Variants in ADAT1 observed in about 807,000 individuals in gnomAD.
The protein encoded by ADAT1 is adenosine deaminase tRNA specific 1, also known as tRNA-specific adenosine deaminase 1.
Under a neutral mutation model 58.6 loss-of-function variants are expected in ADAT1, and 58 were observed. The ratio of observed to expected loss-of-function variants is 0.99; its 90% CI spans 0.80 to 1.23. The LOEUF is 1.23. Ranked by LOEUF, ADAT1 falls within the 50% of genes most tolerant of loss-of-function variation. ADAT1 has a pLI of 0.00. For missense variants in ADAT1, 741 were observed against 608.6 expected, an observed-to-expected ratio of 1.22 and a Z score of -2.29; for synonymous variants, 254 against 220.8, an observed-to-expected ratio of 1.15 and a Z score of -1.33.
Position 75,620,308 on chromosome 16 carries a change from T to C in ADAT1, c.196A>G (p.Thr66Ala). Residue 66 changes from threonine (T) to alanine (A), a missense_variant, in exon 3 of 10, where the codon ACA (threonine) becomes GCA (alanine). Transcript: ENST00000564657. Reference sequence around the variant, plus strand: ...GACTGTCCTATGCATTTTGTTCCTGTTCCCATTGACACAACTTCCTTTGTC... The same window carrying C: ...GACTGTCCTATGCATTTTGTTCCTGCTCCCATTGACACAACTTCCTTTGTC... ...QVTKEVVSMG[T>A]GTKCIGQSKM... 6.2e-7 allele frequency: 1 copy of C among 1,614,168 alleles called. No individual in the cohort carries two copies. Among genetic ancestry groups the C allele is most frequent in the Non-Finnish European group, 8.5e-7 (1 of 1,179,984 alleles).
chr16:75,618,550 G>C, intron 4 of ADAT1, 36 bp downstream of exon 4: 2 of 1,426,472 alleles, frequency 1.4e-6, no homozygotes, highest in South Asian at 1.3e-5. Flanking sequence ...TCCCACCCCA[G>C]TCCTGCTGAA....
chr16:75,615,460 G>A (rs1021264293), intron 5 of ADAT1, among the ~76,000 whole-genome samples: 38 of 55,844 alleles, frequency 6.8e-4, no homozygotes, highest in African/African-American at 1.7e-3. Flanking sequence ...ATACACGAAC[G>A]CAAACGATAG....
chr16:75,608,177 AGT>A, intron 8 of ADAT1, 45 bp downstream of exon 8: 1 of 1,478,378 alleles, frequency 6.8e-7, no homozygotes, highest in Non-Finnish European at 9.5e-7. Context: ...ATAGTGGTAG[AGT>A]GTGAGTTCAC....
chr16:75,604,754 C>G (rs1050398869), intron 8 of ADAT1, among the ~76,000 whole-genome samples: 1 of 151,838 alleles, frequency 6.6e-6, no homozygotes, highest in Non-Finnish European at 1.5e-5. Flanking sequence ...TTCTGGCCAG[C>G]AGGACAGAAA....
At chr16:75,618,131 A>G in intron 4 of ADAT1, among the ~76,000 whole-genome samples, 1 of 148,636 alleles carries the variant, frequency 6.7e-6, no homozygotes, top group Admixed American at 6.7e-5. Context: ...AAAAGAGAGA[A>G]CCACTAGTCT....
chr16:75,615,819 CA>C (rs2081693100), intron 5 of ADAT1, among the ~76,000 whole-genome samples: 1 of 152,152 alleles, frequency 6.6e-6, no homozygotes, highest in Non-Finnish European at 1.5e-5. Flanking sequence ...TCTCAATCTG[CA>C]TGTTCTTCAG....
intron 6 of ADAT1, among the ~76,000 whole-genome samples, chr16:75,609,530 A>G (rs982744143): frequency 6.6e-6 from 1 of 152,176 alleles, no homozygotes; most frequent in Non-Finnish European, 1.5e-5. Context: ...CAACATCTTT[A>G]TAGGGATATA....
chr16:75,604,472 T>TAC (rs1252582081), intron 8 of ADAT1, among the ~76,000 whole-genome samples: 151 of 54,332 alleles, frequency 2.8e-3, no homozygotes, highest in Non-Finnish European at 3.9e-3. Context: ...TATATATATA[T>TAC]ATACACACAC....
At position 75,617,009 on chromosome 16, in the gene ADAT1, A is replaced by G. The variant is rs181869454; in HGVS notation, c.424+133T>C. On this transcript the variant is annotated intron_variant, in intron 5 of 9. Coordinates refer to ENST00000564657, the MANE Select transcript of ADAT1 (RefSeq NM_001324445.2). ...CCTGTCATAAAAAGGCACTGTCACT[A>G]CTTGTGGCTACTTGTGACTACCTGT... 1.0e-5 allele frequency: 11 copies of G among 1,068,832 alleles called. No homozygotes were observed. The East Asian group carries it at 2.3e-4, about 22-fold the overall frequency. The allele number at this position is 1,068,832 out of a possible 1,614,324, so 66.2% of individuals were successfully genotyped here.
At position 75,600,260 on chromosome 16, in the gene ADAT1, C is replaced by T. The variant is rs776176191; in HGVS notation, c.1465G>A (p.Gly489Arg). The change falls in exon 10 of 10, where the codon GGA becomes AGA. Residue 489 changes from glycine to arginine, a missense_variant. Physicochemically the swap from Gly to Arg is moderately radical, Grantham distance 125. Coordinates refer to ENST00000564657, the MANE Select transcript of ADAT1 (RefSeq NM_001324445.2). ...TCCGGTGGGTTTCTGATCCAGGATC[C>T]AAACACCTGCTTCCGGAGTGTGCTC... Reference protein sequence around the residue: ...AWSTLRKQVFGSWIRNPPDYH... With the variant: ...AWSTLRKQVFRSWIRNPPDYH... 2 of 1,614,012 alleles carry T rather than the reference C, an allele frequency of 1.2e-6. No homozygotes were observed. The highest frequency in any genetic ancestry group is 1.7e-6 in the Non-Finnish European group (2 of 1,180,020).
rs2081178720 is a variant in ADAT1 at position 75,599,908 on chromosome 16, A to G, written c.*308T>C. 14 of 1,087,602 alleles carry G rather than the reference A, an allele frequency of 1.3e-5. No individual in the cohort carries two copies. Among genetic ancestry groups the G allele is most frequent in the Non-Finnish European group, 1.5e-5 (13 of 894,396 alleles). The allele number at this position is 1,087,602 out of a possible 1,614,324, so 67.4% of individuals were successfully genotyped here. ...GCTGAATCAATGTAGGAACCCATAA[A>G]ACAGAGCTGCTGCAGAGTACTTTCA... is the stretch of plus-strand genomic sequence containing the variant. On this transcript the variant is annotated 3_prime_UTR_variant, in exon 10 of 10. Coordinates refer to ENST00000564657, the MANE Select transcript of ADAT1 (RefSeq NM_001324445.2).
chr16:75,620,284 A>T lies in ADAT1; in HGVS notation c.220T>A (p.Ser74Thr). ...TGCTTACCGTTCTTCCTCATTTTGG[A>T]CTGTCCTATGCATTTTGTTCCTGTT... ...MGTGTKCIGQSKMRKNGDILN... is the reference protein window; with the variant it reads ...MGTGTKCIGQTKMRKNGDILN... The change falls in exon 3 of 10, where the codon TCC becomes ACC. Residue 74 changes from serine to threonine, a missense_variant. Coordinates refer to ENST00000564657, the MANE Select transcript of ADAT1 (RefSeq NM_001324445.2). 6.2e-7 allele frequency: 1 copy of T among 1,614,044 alleles called. No homozygotes were observed. The highest frequency in any genetic ancestry group is 8.5e-7 in the Non-Finnish European group (1 of 1,179,978).
intron 5 of ADAT1, among the ~76,000 whole-genome samples, chr16:75,614,635 TGCAG>T (rs2081646946): frequency 6.6e-6 from 1 of 152,216 alleles, no homozygotes; most frequent in Non-Finnish European, 1.5e-5. Context: ...TCTCCCACTC[TGCAG>T]GCTTGGAAAT....
At chr16:75,615,513 A>G (rs2081677442) in intron 5 of ADAT1, among the ~76,000 whole-genome samples, 1 of 147,766 alleles carries the variant, frequency 6.8e-6, no homozygotes, top group Admixed American at 7.1e-5. Flanking sequence ...AAAAAAAAAA[A>G]AAATCGCAAG....
chr16:75,603,913 A>C (rs1434533335), intron 8 of ADAT1, among the ~76,000 whole-genome samples: 1 of 151,670 alleles, frequency 6.6e-6, no homozygotes, highest in African/African-American at 2.4e-5. Flanking sequence ...TGCTACATGT[A>C]AAATAGGGAA....
In ADAT1 at chr16:75,599,269, A is replaced by G. The variant is rs2081160790; in HGVS notation, c.*947T>C. 1.2e-6 allele frequency: 1 copy of G among 842,184 alleles called. No individual in the cohort carries two copies. The highest frequency in any genetic ancestry group is 1.4e-6 in the Non-Finnish European group (1 of 699,952). 52.2% of individuals were successfully genotyped at this position (842,184 alleles called of 1,614,324 possible). A position where few individuals can be genotyped will look rare whatever the true frequency, so the allele number is the denominator to read the frequency against. On this transcript the variant is annotated 3_prime_UTR_variant, in exon 10 of 10. Transcript: ENST00000564657. ...GCTAGTTTTTGCATTTTTAGTAGAG[A>G]CAGGGTTTCACCAGGTTGGCCAGGC...
intron 6 of ADAT1, among the ~76,000 whole-genome samples, chr16:75,611,716 A>C (rs1191309254): frequency 2.6e-5 from 4 of 151,714 alleles, no homozygotes; most frequent in Non-Finnish European, 5.9e-5. Context: ...CAAAGAAAAC[A>C]CTTAATTTCC....
chr16:75,608,740 A>T, intron 7 of ADAT1, 103 bp downstream of exon 7: 1 of 1,400,864 alleles, frequency 7.1e-7, no homozygotes, highest in Non-Finnish European at 9.7e-7. Context: ...CGGCCACTAG[A>T]GTGGTGAACT....
At chr16:75,622,007 GGGCGTGAT>G (rs1190174125) in intron 1 of ADAT1, among the ~76,000 whole-genome samples, 1 of 152,134 alleles carries the variant, frequency 6.6e-6, no homozygotes, top group Non-Finnish European at 1.5e-5. Flanking sequence ...AAAATTAGCC[GGGCGTGAT>G]GGCGCGTGCC....
Sources: allele counts gnomAD v4.1 joint callset (sites outside exome capture counted in the v4.1 genomes callset), GRCh38; gene constraint gnomAD v4.1.1; transcripts MANE v1.5; gene names NCBI Gene and HGNC (gene_info 2026-07-23, HGNC 2026-07-21).